Variants in KCNT2 observed in about 807,000 individuals in gnomAD.
KCNT2 encodes potassium channel subfamily T member 2.
KCNT2 carries 67 observed loss-of-function variants against 153.8 expected under a neutral mutation model. That is an observed-to-expected ratio of 0.44 (90% CI 0.36 to 0.53). The LOEUF (loss-of-function observed/expected upper bound fraction) is 0.53, where lower values mean the gene tolerates loss of function less well. Among genes scored for constraint, KCNT2 ranks in the 20% least tolerant of loss-of-function variants. KCNT2 has a pLI of 0.00. For missense variants in KCNT2, 975 were observed against 1,354.8 expected (o/e 0.72, Z 4.40); for synonymous variants, 500 against 458.8 (o/e 1.09, Z -1.15).
chr1:196,255,941 A>C (rs187866825), intron 26 of KCNT2, among the ~76,000 whole-genome samples: 349 of 152,064 alleles, frequency 2.3e-3, no homozygotes, highest in Non-Finnish European at 4.0e-3. Flanking sequence ...AGATAAGGTC[A>C]GAGTTTCAGT....
chr1:196,547,820 G>C (rs946263938), intron 1 of KCNT2, among the ~76,000 whole-genome samples: 1 of 151,250 alleles, frequency 6.6e-6, no homozygotes, highest in African/African-American at 2.4e-5. Flanking sequence ...TCTTCTTTTA[G>C]AAAATTGTTA....
intron 14 of KCNT2, among the ~76,000 whole-genome samples, chr1:196,359,187 G>T (rs1179462825): frequency 6.6e-6 from 1 of 151,920 alleles, no homozygotes; most frequent in Non-Finnish European, 1.5e-5. Context: ...ATTAATATTT[G>T]CCCTCTTTTT....
At chr1:196,276,861 C>T (rs1658620229) in intron 25 of KCNT2, among the ~76,000 whole-genome samples, 1 of 151,992 alleles carries the variant, frequency 6.6e-6, no homozygotes. Flanking sequence ...TGTATGTGAC[C>T]TATCGCACGT....
At chr1:196,439,404 G>A (rs1675021934) in intron 8 of KCNT2, among the ~76,000 whole-genome samples, 1 of 151,694 alleles carries the variant, frequency 6.6e-6, no homozygotes, top group South Asian at 2.1e-4. Context: ...AATTTCCTGG[G>A]GAATTTCACA....
intron 22 of KCNT2, among the ~76,000 whole-genome samples, chr1:196,292,811 CAAAAAAAAAAAAA>C (rs750026564): frequency 7.2e-5 from 5 of 69,292 alleles, no homozygotes; most frequent in Admixed American, 3.5e-4. Flanking sequence ...GACTCTGTCT[CAAAAAAAAAAAAA>C]AAAAAAAAAA....
chr1:196,264,818 A>G (rs1448304385), intron 25 of KCNT2, among the ~76,000 whole-genome samples: 1 of 151,958 alleles, frequency 6.6e-6, no homozygotes, highest in East Asian at 1.9e-4. Flanking sequence ...TTTTGTAGAG[A>G]TGGGGTTTCA....
chr1:196,325,882 C>G (rs1168413787), intron 19 of KCNT2, among the ~76,000 whole-genome samples: 2 of 152,052 alleles, frequency 1.3e-5, no homozygotes, highest in Non-Finnish European at 2.9e-5. Flanking sequence ...ATGTACTGGG[C>G]AGATGTCTCT....
intron 21 of KCNT2, among the ~76,000 whole-genome samples, chr1:196,313,069 T>C (rs374436365): frequency 6.6e-6 from 1 of 151,626 alleles, no homozygotes; most frequent in Non-Finnish European, 1.5e-5. Flanking sequence ...AGATAATCAG[T>C]AATTATCCAT....
At chr1:196,492,043 G>A (rs933053264) in intron 2 of KCNT2, among the ~76,000 whole-genome samples, 1 of 152,018 alleles carries the variant, frequency 6.6e-6, no homozygotes, top group Non-Finnish European at 1.5e-5. Context: ...AATTGAAGAT[G>A]TTCAAGAAGC....
At chr1:196,469,819 A>G (rs10801538) in intron 5 of KCNT2, among the ~76,000 whole-genome samples, 71,929 of 152,002 alleles carry the variant, frequency 0.47, 19,527 homozygotes, top group Middle Eastern at 0.73. Flanking sequence ...GTGTCTGACG[A>G]TAATGAGCAC....
At chr1:196,479,279 A>C in intron 4 of KCNT2, 41 bp from the exon 5 acceptor site, 1 of 1,118,144 alleles carries the variant, frequency 8.9e-7, no homozygotes, top group Admixed American at 1.9e-5. Flanking sequence ...ACGCAATACA[A>C]TTAAATTATA....
intron 22 of KCNT2, among the ~76,000 whole-genome samples, chr1:196,290,322 C>A (rs1203217929): frequency 6.6e-6 from 1 of 151,974 alleles, no homozygotes; most frequent in Non-Finnish European, 1.5e-5. Flanking sequence ...ATCTCAGCTT[C>A]CAGAATACTC....
intron 13 of KCNT2, among the ~76,000 whole-genome samples, chr1:196,396,840 T>A (rs1336426385): frequency 6.6e-6 from 1 of 151,458 alleles, no homozygotes; most frequent in Non-Finnish European, 1.5e-5. Flanking sequence ...TCCGTATTTT[T>A]TTTTAGCAGT....
At chr1:196,554,915 T>G (rs2148906513) in intron 1 of KCNT2, among the ~76,000 whole-genome samples, 1 of 151,158 alleles carries the variant, frequency 6.6e-6, no homozygotes, top group East Asian at 2.0e-4. Context: ...GATACTGAAG[T>G]AGCACTGGAT....
chr1:196,428,295 T>A, intron 9 of KCNT2, 26 bp from the exon 10 acceptor site: 1 of 1,555,256 alleles, frequency 6.4e-7, no homozygotes, highest in Non-Finnish European at 8.9e-7. Context: ...CACATGTGAA[T>A]GAAAAACACA....
chr1:196,486,932 G>T (rs1278718098), intron 3 of KCNT2, among the ~76,000 whole-genome samples: 1 of 151,816 alleles, frequency 6.6e-6, no homozygotes, highest in Non-Finnish European at 1.5e-5. Context: ...ATGTTAGAAA[G>T]ACTTTTCGGT....
intron 22 of KCNT2, 79 bp from the exon 23 acceptor site, chr1:196,285,837 A>G (rs1256221569): frequency 2.5e-6 from 2 of 803,546 alleles, no homozygotes; most frequent in Non-Finnish European, 2.2e-6. Flanking sequence ...TTGTGTTGAC[A>G]TACGTAAAAA....
At chr1:196,320,548 TGAG>T (rs1328794685) in intron 19 of KCNT2, among the ~76,000 whole-genome samples, 1 of 151,792 alleles carries the variant, frequency 6.6e-6, no homozygotes, top group Admixed American at 6.6e-5. Context: ...GTTCAGCATA[TGAG>T]GAGGAGAAGA....
At chr1:196,561,922 A>T (rs878897597) in intron 1 of KCNT2, among the ~76,000 whole-genome samples, 5 of 151,936 alleles carry the variant, frequency 3.3e-5, no homozygotes, top group African/African-American at 1.2e-4. Flanking sequence ...CAACTGGTTG[A>T]AAGAGTTTAT....
Sources: gnomAD v4.1 joint callset for allele counts (sites outside exome capture counted in the v4.1 genomes callset) on GRCh38, gnomAD v4.1.1 for gene constraint, MANE v1.5 for transcripts, NCBI Gene and HGNC (gene_info 2026-07-23, HGNC 2026-07-21) for gene names.